Variants in DNMT3A observed in about 807,000 individuals in gnomAD.
DNMT3A encodes DNA (cytosine-5)-methyltransferase 3A.
A neutral mutation model predicts 117.6 loss-of-function variants in DNMT3A; 267 were observed. The observed-to-expected ratio is 2.27, with a 90% CI of 2.05 to 2.51. DNMT3A has a LOEUF of 2.51. Among genes scored for constraint, DNMT3A ranks in the 30% most tolerant of loss-of-function variants. DNMT3A has a pLI of 0.00. For synonymous variants in DNMT3A, 432 were observed against 474.8 expected (o/e 0.91, Z 1.17); for missense variants, 1,029 against 1,260.2 (o/e 0.82, Z 2.78).
chr2:25,335,743 G>A (rs985670368), intron 1 of DNMT3A, among the ~76,000 whole-genome samples: 1 of 152,134 alleles, frequency 6.6e-6, no homozygotes, highest in African/African-American at 2.4e-5. Flanking sequence ...GCACTCAGAC[G>A]GGGCAGCTAA....
In DNMT3A at chr2:25,234,066, A is replaced by G. The variant is rs1558650361; in HGVS notation, c.*213T>C. 1 of 622,108 alleles carries G rather than the reference A, an allele frequency of 1.6e-6. No individual in the cohort carries two copies. Among genetic ancestry groups the G allele is most frequent in the Non-Finnish European group, 2.5e-6 (1 of 406,980 alleles). The allele number at this position is 622,108 out of a possible 1,614,324, so 38.5% of individuals were successfully genotyped here. ...TTGTTTTTAAATAGGACTGAAGAAT[A>G]ACATTGAAAAATCAGGAGATGATGT... On this transcript the variant is annotated 3_prime_UTR_variant, in exon 23 of 23. Transcript: ENST00000321117. This position sits in a 1 kb window ranked among gnomAD's most constrained non-coding sequence, Gnocchi z 4.5.
intron 6 of DNMT3A, among the ~76,000 whole-genome samples, chr2:25,264,140 T>TTTTTG (rs2029981538): frequency 7.7e-6 from 1 of 130,620 alleles, no homozygotes; most frequent in Non-Finnish European, 1.6e-5. Flanking sequence ...TGGTTTTTTT[T>TTTTTG]TTTTTTTTTT....
In DNMT3A at chr2:25,304,829, T is replaced by A. The variant is rs2033703238; in HGVS notation, c.73-4586A>T. On this transcript the variant is annotated intron_variant, in intron 2 of 22. Coordinates refer to ENST00000321117, the MANE Select transcript of DNMT3A (RefSeq NM_022552.5). This position sits in a 1 kb window ranked among gnomAD's most constrained non-coding sequence, Gnocchi z 4.3. ...TTCTTCTGACCACACCACCTTCCCC[T>A]CAGGTTTATCAGCAAACTGTTACTC... is the stretch of plus-strand genomic sequence containing the variant. 6.6e-6 allele frequency among the ~76,000 whole-genome samples: 1 copy of A among 152,168 alleles called. No homozygotes were observed. The highest frequency in any genetic ancestry group is 2.4e-5 in the African/African-American group (1 of 41,436).
chr2:25,299,067 G>A (rs1264721722), intron 3 of DNMT3A, among the ~76,000 whole-genome samples: 1 of 152,128 alleles, frequency 6.6e-6, no homozygotes, highest in Non-Finnish European at 1.5e-5. Flanking sequence ...CAAATCCAGA[G>A]CCTCTGACTC....
chr2:25,338,474 G>A (rs1354820475), intron 1 of DNMT3A, among the ~76,000 whole-genome samples: 1 of 152,210 alleles, frequency 6.6e-6, no homozygotes, highest in Non-Finnish European at 1.5e-5. Flanking sequence ...ACCCTGAGGA[G>A]CTGGCCTGTA....
rs546515024 is a variant in DNMT3A, at chr2:25,261,057, G to T, written c.640-12805C>A. Among the ~76,000 whole-genome samples, 9 of 152,232 alleles carry T rather than the reference G, an allele frequency of 5.9e-5. No individual in the cohort carries two copies. In the East Asian group the frequency reaches 1.7e-3, roughly 30 times the overall value. ...GCCTGTAATTCCAGCACTTTGGGAG[G>T]CCGAGGTGGGCAGATCACTTGAGGT... On this transcript the variant is annotated intron_variant, in intron 6 of 22. Transcript: ENST00000321117.
Position 25,234,112 on chromosome 2 carries a change from A to G in DNMT3A, c.*167T>C. On this transcript the variant is annotated 3_prime_UTR_variant, in exon 23 of 23. Transcript: ENST00000321117. This position sits in a 1 kb window ranked among gnomAD's most constrained non-coding sequence, Gnocchi z 4.5. ...GATGTCCAACCCTTTTCGCAAGGCA[A>G]AGCCCTCCGGTATTTCCGCCTCTGT... 1 of 1,103,156 alleles carries G rather than the reference A, an allele frequency of 9.1e-7. No individual in the cohort carries two copies. The highest frequency in any genetic ancestry group is 1.2e-6 in the Non-Finnish European group (1 of 816,060). The allele number at this position is 1,103,156 out of a possible 1,614,324, so 68.3% of individuals were successfully genotyped here.
chr2:25,341,925 C>T lies in DNMT3A; in HGVS notation c.-277G>A, dbSNP rs2035478980. The T allele has an allele frequency of 8.2e-6, 8 of 977,380 alleles. No homozygotes were observed. The highest frequency in any genetic ancestry group is 6.4e-5 in the Admixed American group (1 of 15,528). The allele number at this position is 977,380 out of a possible 1,614,324, so 60.5% of individuals were successfully genotyped here. A position where few individuals can be genotyped will look rare whatever the true frequency, so the allele number is the denominator to read the frequency against. ...GCTCTCGCCGCCGCCGCCGCCCGCG[C>T]GCCCTCCCTCCCTCCCGGCCCGCCT... is the stretch of plus-strand genomic sequence containing the variant. On this transcript the variant is annotated 5_prime_UTR_variant, in exon 1 of 23. Transcript: ENST00000321117.
At position 25,244,611 on chromosome 2, in the gene DNMT3A, G is replaced by GCCGTCGTCGTCGTACTGGTAC; in HGVS notation, c.1575_1595dup (p.Tyr528_Gln534dup). 2 of 1,614,194 alleles carry GCCGTCGTCGTCGTACTGGTAC rather than the reference G, an allele frequency of 1.2e-6. No homozygotes were observed. The highest frequency in any genetic ancestry group is 1.7e-6 in the Non-Finnish European group (2 of 1,180,018). On this transcript the variant is annotated inframe_insertion, in exon 14 of 23. Transcript: ENST00000321117. ...AGCAGATGGTGCAGTAGGACTGGTA[G>GCCGTCGTCGTCGTACTGGTAC]CCGTCGTCGTCGTACTGGTACGCAC... is the stretch of plus-strand genomic sequence containing the variant.
At chr2:25,307,450 A>C (rs1573469280) in intron 2 of DNMT3A, among the ~76,000 whole-genome samples, 2 of 135,162 alleles carry the variant, frequency 1.5e-5, no homozygotes, top group East Asian at 2.2e-4. Context: ...GAGCCACCAC[A>C]CACCGCAGCT....
rs921548309 is a variant in DNMT3A, at chr2:25,275,046, G to C, written c.534C>G (p.Ser178=). ...GRLRGGLGWE[S]SLRQRPMPRL... is the part of the protein sequence containing the mutation. Reference sequence around the variant, plus strand: ...TCGGCATGGGCCGCTGACGGAGGCTGGACTCCCAGCCCAAGCCACCCCGCA... The same window carrying C: ...TCGGCATGGGCCGCTGACGGAGGCTCGACTCCCAGCCCAAGCCACCCCGCA... The change falls in exon 6 of 23, where the codon TCC becomes TCG. Residue 178 remains serine, a synonymous_variant. Coordinates refer to ENST00000321117, the MANE Select transcript of DNMT3A (RefSeq NM_022552.5). 4 of 1,604,414 alleles carry C rather than the reference G, an allele frequency of 2.5e-6. No individual in the cohort carries two copies. The African/African-American group carries it at 4.0e-5, about 16-fold the overall frequency.
intron 6 of DNMT3A, among the ~76,000 whole-genome samples, chr2:25,251,152 GC>G (rs1270978200): frequency 7.6e-5 from 5 of 65,402 alleles, no homozygotes; most frequent in African/African-American, 1.7e-4. Flanking sequence ...GAAGGAAGAA[GC>G]GGGGGGGGGG....
chr2:25,329,016 C>G (rs2034905772), intron 1 of DNMT3A, among the ~76,000 whole-genome samples: 1 of 152,206 alleles, frequency 6.6e-6, no homozygotes, highest in Non-Finnish European at 1.5e-5. Context: ...GGAGGTCCCC[C>G]AAAGGGTCTT....
intron 1 of DNMT3A, among the ~76,000 whole-genome samples, chr2:25,334,505 T>G (rs1363131450): frequency 2.0e-5 from 3 of 152,180 alleles, no homozygotes; most frequent in Non-Finnish European, 4.4e-5. Flanking sequence ...GGGCCCCAGT[T>G]ATACCTCCAG....
intron 1 of DNMT3A, among the ~76,000 whole-genome samples, chr2:25,340,677 T>C (rs1031274397): frequency 5.3e-5 from 8 of 151,970 alleles, no homozygotes; most frequent in African/African-American, 1.9e-4. Context: ...TCCTTCACTG[T>C]GCAGATGCGA....
chr2:25,310,688 A>C (rs1407885807), intron 2 of DNMT3A, among the ~76,000 whole-genome samples: 1 of 152,198 alleles, frequency 6.6e-6, no homozygotes, highest in Non-Finnish European at 1.5e-5. Context: ...ACTCTGTGCT[A>C]TTCCAGGTCC....
rs781221432 is a variant in DNMT3A at position 25,252,176 on chromosome 2, C to T, written c.640-3924G>A. 5 of 1,563,068 alleles carry T rather than the reference C, an allele frequency of 3.2e-6. No individual in the cohort carries two copies. In the South Asian group the frequency reaches 5.9e-5, roughly 19 times the overall value. On this transcript the variant is annotated intron_variant, in intron 6 of 22. Transcript: ENST00000321117. The surrounding 1 kb of genome is among the most constrained non-coding windows in gnomAD (Gnocchi z 5.5). Reference sequence around the variant, plus strand: ...CTCCCCGCCCCCGGTCTCCCCGGGGCTCCGTCCAGGAACCTACCCATAAGG... The same window carrying T: ...CTCCCCGCCCCCGGTCTCCCCGGGGTTCCGTCCAGGAACCTACCCATAAGG...
intron 1 of DNMT3A, among the ~76,000 whole-genome samples, chr2:25,316,080 C>T (rs1349208999): frequency 6.6e-6 from 1 of 152,208 alleles, no homozygotes; most frequent in African/African-American, 2.4e-5. Context: ...GTTGCGGCCC[C>T]ACAGGCACAG....
chr2:25,254,808 G>A lies in DNMT3A; in HGVS notation c.640-6556C>T, dbSNP rs926224806. ...GATACCCGCTCTTCCATTATAATGC[G>A]GCTAAACACCTTAGACTCCACATTC... On this transcript the variant is annotated intron_variant, in intron 6 of 22. Transcript: ENST00000321117. This position sits in a 1 kb window ranked among gnomAD's most constrained non-coding sequence, Gnocchi z 4.7. Among the ~76,000 whole-genome samples, 6 of 152,148 alleles carry A rather than the reference G, an allele frequency of 3.9e-5. No homozygotes were observed. The highest frequency in any genetic ancestry group is 2.1e-4 in the South Asian group (1 of 4,832).
Sources: allele counts gnomAD v4.1 joint callset (sites outside exome capture counted in the v4.1 genomes callset), GRCh38; gene constraint gnomAD v4.1.1; non-coding constraint Gnocchi (gnomAD v3.1); transcripts MANE v1.5; gene names NCBI Gene and HGNC (gene_info 2026-07-23, HGNC 2026-07-21).